The following PTPN3 variants were observed in gnomAD, a reference collection of about 807,000 sequenced individuals.
PTPN3 encodes the protein protein tyrosine phosphatase non-receptor type 3.
PTPN3 carries 96 observed loss-of-function variants against 132.7 expected under a neutral mutation model. That is an observed-to-expected ratio of 0.72 (90% CI 0.61 to 0.86). The LOEUF is 0.86. PTPN3 is among the 40% of genes least tolerant of loss of function. The pLI, the probability that PTPN3 is intolerant of heterozygous loss-of-function variation, is 0.00. For missense variants in PTPN3, 1,125 were observed against 1,159.6 expected, an observed-to-expected ratio of 0.97 and a Z score of 0.43; for synonymous variants, 398 against 429.0, an observed-to-expected ratio of 0.93 and a Z score of 0.89.
chr9:109,526,064 T>C, the PTPN3 span, among the ~76,000 whole-genome samples: 80,983 of 152,000 alleles, frequency 0.53, 22,696 homozygotes, highest in East Asian at 0.85. Flanking sequence ...GTGTATTATA[T>C]ATACTAGCAA....
the PTPN3 span, among the ~76,000 whole-genome samples, chr9:109,528,712 GTA>G: frequency 0.53 from 79,606 of 151,582 alleles, 21,859 homozygotes; most frequent in East Asian, 0.85. Context: ...CTATATATAT[GTA>G]TATATATATG....
upstream of PTPN3, among the ~76,000 whole-genome samples, chr9:109,501,258 C>T (rs185753816): frequency 7.9e-5 from 12 of 152,198 alleles, no homozygotes; most frequent in East Asian, 2.1e-3. Flanking sequence ...CTCAGTTTTA[C>T]AGAAGAGAAA....
intron 17 of PTPN3, among the ~76,000 whole-genome samples, chr9:109,406,928 C>T (rs1056363794): frequency 7.2e-5 from 11 of 152,150 alleles, no homozygotes; most frequent in Non-Finnish European, 1.6e-4. Context: ...ATACCATTTC[C>T]AGCCTTTTGT....
chr9:109,474,806 C>T (rs908483171), intron 1 of PTPN3, among the ~76,000 whole-genome samples: 5 of 152,134 alleles, frequency 3.3e-5, no homozygotes, highest in African/African-American at 1.2e-4. Flanking sequence ...AAGTTACCAG[C>T]ATCAGAATCA....
At chr9:109,425,669 C>T (rs1649872316) in intron 12 of PTPN3, among the ~76,000 whole-genome samples, 1 of 151,492 alleles carries the variant, frequency 6.6e-6, no homozygotes. Context: ...CGAGATCACT[C>T]TAGCCTGGGC....
At chr9:109,516,022 C>T in the PTPN3 span, among the ~76,000 whole-genome samples, 1 of 152,210 alleles carries the variant, frequency 6.6e-6, no homozygotes, top group African/African-American at 2.4e-5. Flanking sequence ...ACTATACCGG[C>T]ACAGAACCTG....
At chr9:109,521,886 T>C in the PTPN3 span, among the ~76,000 whole-genome samples, 2 of 152,172 alleles carry the variant, frequency 1.3e-5, no homozygotes, top group African/African-American at 4.8e-5. Context: ...ATGAAAATCA[T>C]AGAAGGGACT....
At chr9:109,427,471 T>C (rs1207840680) in intron 11 of PTPN3, among the ~76,000 whole-genome samples, 1 of 152,198 alleles carries the variant, frequency 6.6e-6, no homozygotes, top group Non-Finnish European at 1.5e-5. Context: ...TCTGGGAACA[T>C]CTCTCTCCTG....
the PTPN3 span, chr9:109,532,985 C>A: frequency 3.8e-6 from 2 of 521,054 alleles, no homozygotes; most frequent in Non-Finnish European, 5.2e-6. Flanking sequence ...GACGGGGCCT[C>A]GCTCTTGTCC....
chr9:109,462,835 G>A (rs1364156161), intron 2 of PTPN3, among the ~76,000 whole-genome samples: 1 of 151,964 alleles, frequency 6.6e-6, no homozygotes, highest in Non-Finnish European at 1.5e-5. Context: ...CCAGGCACGG[G>A]GGAAACAACA....
chr9:109,499,653 T>C (rs916189344), upstream of PTPN3, among the ~76,000 whole-genome samples: 7 of 152,194 alleles, frequency 4.6e-5, no homozygotes, highest in Non-Finnish European at 8.8e-5. Flanking sequence ...AACCCTCCAG[T>C]CGGGCCTGGG....
the PTPN3 span, among the ~76,000 whole-genome samples, chr9:109,526,657 A>C: frequency 6.6e-6 from 1 of 152,136 alleles, no homozygotes; most frequent in Non-Finnish European, 1.5e-5. Flanking sequence ...CGTAGGTGAC[A>C]GAGTGAGCCC....
intron 16 of PTPN3, among the ~76,000 whole-genome samples, chr9:109,408,796 A>AAAATATATAT (rs1377996219): frequency 9.2e-6 from 1 of 108,374 alleles, no homozygotes; most frequent in African/African-American, 3.7e-5. Context: ...AAAAAAAAAA[A>AAAATATATAT]ATATATATAT....
At chr9:109,521,845 T>C in the PTPN3 span, among the ~76,000 whole-genome samples, 27 of 152,300 alleles carry the variant, frequency 1.8e-4, no homozygotes, top group South Asian at 5.6e-3. Flanking sequence ...TTAGAACTAA[T>C]ATGAATGGGC....
chr9:109,527,676 A>G, the PTPN3 span, among the ~76,000 whole-genome samples: 30 of 152,348 alleles, frequency 2.0e-4, no homozygotes, highest in East Asian at 5.8e-3. Flanking sequence ...TTCTGATTAC[A>G]CTGGTTTGAT....
intron 1 of PTPN3, among the ~76,000 whole-genome samples, chr9:109,469,513 G>A (rs983078029): frequency 3.9e-4 from 60 of 152,110 alleles, no homozygotes; most frequent in African/African-American, 1.3e-3. Context: ...CAGCTACTTG[G>A]GAGGCTGAGT....
chr9:109,423,794 C>CT, intron 12 of PTPN3, among the ~76,000 whole-genome samples: 1 of 152,172 alleles, frequency 6.6e-6, no homozygotes, highest in Non-Finnish European at 1.5e-5. Flanking sequence ...AACTTTGGTT[C>CT]TGGCATCTCT....
At chr9:109,531,025 T>C in the PTPN3 span, among the ~76,000 whole-genome samples, 17 of 152,230 alleles carry the variant, frequency 1.1e-4, no homozygotes, top group Non-Finnish European at 1.5e-5. Context: ...GTTGCCTTTT[T>C]ACTCTGTTGA....
intron 6 of PTPN3, among the ~76,000 whole-genome samples, chr9:109,448,000 C>G (rs1330296239): frequency 2.6e-5 from 4 of 152,202 alleles, no homozygotes; most frequent in Non-Finnish European, 4.4e-5. Context: ...CTCTACCCAA[C>G]CCAATTCTGG....
Sources: allele counts gnomAD v4.1 joint callset (sites outside exome capture counted in the v4.1 genomes callset), GRCh38; gene constraint gnomAD v4.1.1; transcripts MANE v1.5; gene names NCBI Gene and HGNC (gene_info 2026-07-23, HGNC 2026-07-21).